The following RASSF8 variants were observed in gnomAD, a reference collection of about 807,000 sequenced individuals.
RASSF8 encodes Ras association domain family member 8, also known as ras association domain-containing protein 8.
RASSF8 carries 22 observed loss-of-function variants against 48.5 expected under a neutral mutation model. The observed-to-expected ratio is 0.45, with a 90% CI of 0.32 to 0.65. The LOEUF is 0.65. Ranked by LOEUF, RASSF8 falls within the 30% of genes least tolerant of loss-of-function variation. The pLI is 0.03. For synonymous variants in RASSF8, 127 were observed against 171.5 expected, an observed-to-expected ratio of 0.74 and a Z score of 2.03; for missense variants, 418 against 489.2, an observed-to-expected ratio of 0.85 and a Z score of 1.37.
At chr12:26,014,017 G>A (rs16929894) in intron 2 of RASSF8, among the ~76,000 whole-genome samples, 19,252 of 152,186 alleles carry the variant, frequency 0.13, 1,614 homozygotes, top group Admixed American at 0.2. Flanking sequence ...GTATTGGTTT[G>A]AGGAATATGA....
chr12:26,059,053 G>C (rs997147321), intron 3 of RASSF8, among the ~76,000 whole-genome samples: 4 of 152,116 alleles, frequency 2.6e-5, no homozygotes, highest in Non-Finnish European at 5.9e-5. Flanking sequence ...ATTTTTTTCA[G>C]AGTCTAAACT....
At chr12:25,968,075 C>G (rs1941399415) in intron 1 of RASSF8, among the ~76,000 whole-genome samples, 1 of 152,236 alleles carries the variant, frequency 6.6e-6, no homozygotes, top group South Asian at 2.1e-4. Flanking sequence ...TTCTAGCTGT[C>G]TCCTTTCTCA....
intron 2 of RASSF8, among the ~76,000 whole-genome samples, chr12:25,999,443 T>C (rs545493678): frequency 6.6e-6 from 1 of 152,338 alleles, no homozygotes; most frequent in South Asian, 2.1e-4. Context: ...CTGTTATCAG[T>C]AGTGTCTAAA....
intron 3 of RASSF8, among the ~76,000 whole-genome samples, chr12:26,056,169 C>T (rs1000350565): frequency 3.3e-5 from 5 of 151,778 alleles, no homozygotes; most frequent in Non-Finnish European, 5.9e-5. Context: ...TGGGTGACAG[C>T]GAAACTCGGT....
intron 2 of RASSF8, among the ~76,000 whole-genome samples, chr12:26,016,875 A>C (rs1373495078): frequency 6.6e-6 from 1 of 152,172 alleles, no homozygotes; most frequent in Non-Finnish European, 1.5e-5. Context: ...TTCATTCATT[A>C]GTTGAGATCT....
rs1355955432 is a variant in RASSF8, at chr12:26,043,417, C to A, written c.-108-11819C>A. Reference sequence around the variant, plus strand: ...TGATTAAGGGGTAGCACATCAGTAACCTGCGCAGAGTTTGGATTTTATCCT... The same window carrying A: ...TGATTAAGGGGTAGCACATCAGTAAACTGCGCAGAGTTTGGATTTTATCCT... On this transcript the variant is annotated intron_variant, in intron 2 of 5. Coordinates refer to ENST00000689635, the MANE Select transcript of RASSF8 (RefSeq NM_001394098.1). Among the ~76,000 whole-genome samples, 3 of 152,154 alleles carry A rather than the reference C, an allele frequency of 2.0e-5. No homozygotes were observed. The East Asian group carries it at 5.8e-4, about 29-fold the overall frequency.
At chr12:26,009,303 C>G (rs1162645637) in intron 2 of RASSF8, among the ~76,000 whole-genome samples, 1 of 152,160 alleles carries the variant, frequency 6.6e-6, no homozygotes, top group Non-Finnish European at 1.5e-5. Context: ...TAAAGCTATA[C>G]CTACAGGAGC....
intron 2 of RASSF8, among the ~76,000 whole-genome samples, chr12:26,013,191 T>A (rs530102253): frequency 2.2e-4 from 33 of 152,336 alleles, no homozygotes; most frequent in African/African-American, 7.2e-4. Flanking sequence ...CTGTGTGGTG[T>A]GTCTGCAAGA....
chr12:26,063,152 A>G (rs1312784845), intron 3 of RASSF8, among the ~76,000 whole-genome samples: 3 of 152,228 alleles, frequency 2.0e-5, no homozygotes, highest in African/African-American at 4.8e-5. Context: ...AGGTAAATCA[A>G]TCAATAGCTG....
upstream of RASSF8, chr12:25,958,664 C>T (rs1941140955): frequency 1.4e-5 from 2 of 145,654 alleles, no homozygotes; most frequent in African/African-American, 5.0e-5. Flanking sequence ...GCCCGGCCCC[C>T]AGCCCGGCCC....
At chr12:26,029,972 G>T (rs1942994514) in intron 2 of RASSF8, among the ~76,000 whole-genome samples, 1 of 152,018 alleles carries the variant, frequency 6.6e-6, no homozygotes, top group Non-Finnish European at 1.5e-5. Context: ...TTGCTGGTTT[G>T]CTTATTTGTG....
intron 2 of RASSF8, among the ~76,000 whole-genome samples, chr12:26,027,201 G>GACTT (rs1942933248): frequency 6.6e-6 from 1 of 152,164 alleles, no homozygotes; most frequent in Non-Finnish European, 1.5e-5. Flanking sequence ...ATGGGAAATG[G>GACTT]GCAGTGAATG....
intron 1 of RASSF8, among the ~76,000 whole-genome samples, chr12:25,967,555 T>A (rs1370181284): frequency 3.3e-5 from 5 of 152,200 alleles, no homozygotes; most frequent in African/African-American, 1.2e-4. Context: ...AAAGCCTGGC[T>A]ACACAGGTGT....
At chr12:25,978,646 A>G (rs1272398297) in intron 1 of RASSF8, among the ~76,000 whole-genome samples, 2 of 152,066 alleles carry the variant, frequency 1.3e-5, no homozygotes, top group East Asian at 1.9e-4. Flanking sequence ...AATATATGCT[A>G]GTAAATAGAT....
chr12:26,073,022 G>A (rs1944029897), downstream of RASSF8: 1 of 198,196 alleles, frequency 5.0e-6, no homozygotes, highest in African/African-American at 2.4e-5. Flanking sequence ...TCCAAAGATG[G>A]CTTCATCAAA....
At chr12:25,960,577 A>C (rs1384470452) in intron 1 of RASSF8, among the ~76,000 whole-genome samples, 1 of 152,212 alleles carries the variant, frequency 6.6e-6, no homozygotes, top group African/African-American at 2.4e-5. Context: ...GACTGAACAT[A>C]GTTTGATGAT....
chr12:25,976,281 A>G (rs950691484), intron 1 of RASSF8, among the ~76,000 whole-genome samples: 4 of 152,210 alleles, frequency 2.6e-5, no homozygotes, highest in African/African-American at 9.6e-5. Flanking sequence ...TTCTGTCTGG[A>G]GGATGGGAAA....
In RASSF8 at chr12:26,064,769, G is replaced by A. The variant is rs376288117; in HGVS notation, c.375G>A (p.Pro125=). The change falls in exon 4 of 6, where the codon CCG becomes CCA. Residue 125 remains proline, a synonymous_variant. Transcript: ENST00000689635. ...QIDKSIKRRE[P]KRKSLTFTGG... ...ACAAATCAATCAAAAGGAGGGAACC[G>A]AAAAGGAAATCACTGACATTTACAG... 27 of 1,613,964 alleles carry A rather than the reference G, an allele frequency of 1.7e-5. No homozygotes were observed. The highest frequency in any genetic ancestry group is 1.6e-4 in the Middle Eastern group (1 of 6,084).
chr12:26,057,430 A>G (rs561205436), intron 3 of RASSF8, among the ~76,000 whole-genome samples: 2 of 152,248 alleles, frequency 1.3e-5, no homozygotes, highest in East Asian at 1.9e-4. Flanking sequence ...TTCCAGCTTC[A>G]TCCATATCCT....
Sources: allele counts gnomAD v4.1 joint callset (sites outside exome capture counted in the v4.1 genomes callset), GRCh38; gene constraint gnomAD v4.1.1; transcripts MANE v1.5; gene names NCBI Gene and HGNC (gene_info 2026-07-23, HGNC 2026-07-21).